The following SCHIP1 variants were observed in gnomAD, a reference collection of about 807,000 sequenced individuals.
SCHIP1 encodes the protein schwannomin-interacting protein 1.
SCHIP1 carries 8 observed loss-of-function variants against 29.7 expected under a neutral mutation model. The ratio of observed to expected loss-of-function variants is 0.27; its 90% CI spans 0.16 to 0.49. SCHIP1 has a LOEUF of 0.49. Among genes scored for constraint, SCHIP1 ranks in the 20% least tolerant of loss-of-function variants. SCHIP1 has a pLI of 0.99. For synonymous variants in SCHIP1, 76 were observed against 94.9 expected (o/e 0.80, Z 1.16); for missense variants, 193 against 294.6 (o/e 0.66, Z 2.52).
At chr3:159,527,027 C>G in the SCHIP1 span, among the ~76,000 whole-genome samples, 1 of 152,324 alleles carries the variant, frequency 6.6e-6, no homozygotes, top group Non-Finnish European at 1.5e-5. Context: ...GACATACACA[C>G]AGTCATATCT....
At chr3:159,767,381 A>G in the SCHIP1 span, among the ~76,000 whole-genome samples, 1 of 152,342 alleles carries the variant, frequency 6.6e-6, no homozygotes, top group African/African-American at 2.4e-5. Context: ...GCTGTTATAA[A>G]AGATTGAAAA....
chr3:159,795,640 G>A, the SCHIP1 span, among the ~76,000 whole-genome samples: 2 of 152,206 alleles, frequency 1.3e-5, no homozygotes, highest in Admixed American at 6.5e-5. Context: ...TAGACACAGT[G>A]GTGGTCCAAA....
At chr3:159,804,490 GTCTT>G in the SCHIP1 span, among the ~76,000 whole-genome samples, 1 of 152,204 alleles carries the variant, frequency 6.6e-6, no homozygotes, top group Non-Finnish European at 1.5e-5. Context: ...AGTATACAAT[GTCTT>G]CCTCAGTTTT....
the SCHIP1 span, among the ~76,000 whole-genome samples, chr3:159,427,889 C>T: frequency 7.2e-5 from 11 of 151,748 alleles, no homozygotes; most frequent in East Asian, 9.7e-4. Context: ...GAAATAACGC[C>T]GCATATCTAC....
At chr3:159,738,600 T>C in the SCHIP1 span, among the ~76,000 whole-genome samples, 1 of 152,240 alleles carries the variant, frequency 6.6e-6, no homozygotes, top group Non-Finnish European at 1.5e-5. Context: ...TATAACTTAA[T>C]GGCATCTATT....
the SCHIP1 span, among the ~76,000 whole-genome samples, chr3:159,299,983 T>C: frequency 1.3e-5 from 2 of 151,730 alleles, no homozygotes; most frequent in African/African-American, 4.8e-5. Context: ...CTTGGGGAGG[T>C]AGAGGTTAGA....
chr3:159,489,601 T>C, the SCHIP1 span, among the ~76,000 whole-genome samples: 3 of 152,304 alleles, frequency 2.0e-5, 1 homozygote, highest in East Asian at 1.9e-4. Flanking sequence ...GCTGAAATAC[T>C]TGTACATAAG....
chr3:159,319,585 G>A, the SCHIP1 span, among the ~76,000 whole-genome samples: 1 of 152,182 alleles, frequency 6.6e-6, no homozygotes, highest in Admixed American at 6.5e-5. Context: ...CAATGGATAT[G>A]TTAAAGTTCT....
the SCHIP1 span, among the ~76,000 whole-genome samples, chr3:159,499,507 A>C: frequency 6.6e-6 from 1 of 152,244 alleles, no homozygotes; most frequent in South Asian, 2.1e-4. Flanking sequence ...GGTATTGCCA[A>C]GTCGACTGAG....
the SCHIP1 span, among the ~76,000 whole-genome samples, chr3:159,483,895 A>C: frequency 6.6e-6 from 1 of 152,194 alleles, no homozygotes; most frequent in South Asian, 2.1e-4. Context: ...TGATGATGTG[A>C]TAAGTGGAAG....
the SCHIP1 span, among the ~76,000 whole-genome samples, chr3:159,760,460 GC>G: frequency 6.6e-6 from 1 of 152,320 alleles, no homozygotes; most frequent in East Asian, 1.9e-4. Context: ...TCAAATCCTG[GC>G]TCTGCCATCT....
intron 2 of SCHIP1, among the ~76,000 whole-genome samples, chr3:159,877,548 A>G (rs546366679): frequency 6.6e-6 from 1 of 152,326 alleles, no homozygotes; most frequent in South Asian, 2.1e-4. Context: ...ATGTTTCTAA[A>G]CATGAACATA....
chr3:159,695,657 C>T, the SCHIP1 span, among the ~76,000 whole-genome samples: 1 of 152,146 alleles, frequency 6.6e-6, no homozygotes, highest in African/African-American at 2.4e-5. Flanking sequence ...ACCTTGGCTA[C>T]ATACTGGTTA....
At chr3:159,336,171 G>A in the SCHIP1 span, among the ~76,000 whole-genome samples, 43 of 152,206 alleles carry the variant, frequency 2.8e-4, no homozygotes, top group East Asian at 2.7e-3. Flanking sequence ...CATATCCTTC[G>A]CTCACTTTTT....
the SCHIP1 span, among the ~76,000 whole-genome samples, chr3:159,742,021 G>A: frequency 1.3e-5 from 2 of 152,206 alleles, no homozygotes; most frequent in African/African-American, 4.8e-5. Flanking sequence ...CTTGAGATCA[G>A]GAGTTCAAGA....
the SCHIP1 span, among the ~76,000 whole-genome samples, chr3:159,679,018 C>T: frequency 1.5e-4 from 23 of 152,338 alleles, no homozygotes; most frequent in East Asian, 4.0e-3. Flanking sequence ...AGCCAAACCA[C>T]ATCACTTACT....
At chr3:159,556,325 G>C in the SCHIP1 span, among the ~76,000 whole-genome samples, 1 of 152,128 alleles carries the variant, frequency 6.6e-6, no homozygotes, top group African/African-American at 2.4e-5. Context: ...TAGTGGGACT[G>C]TAAACTAGTT....
At chr3:159,733,322 T>C in the SCHIP1 span, among the ~76,000 whole-genome samples, 1 of 152,224 alleles carries the variant, frequency 6.6e-6, no homozygotes, top group Non-Finnish European at 1.5e-5. Flanking sequence ...GAAATGTGTT[T>C]CTCTCTAAGA....
At chr3:159,462,923 A>G in the SCHIP1 span, among the ~76,000 whole-genome samples, 1 of 152,314 alleles carries the variant, frequency 6.6e-6, no homozygotes, top group South Asian at 2.1e-4. Flanking sequence ...TTTACCAGAA[A>G]GCAACTAATT....
Sources: gnomAD v4.1 joint callset for allele counts (sites outside exome capture counted in the v4.1 genomes callset) on GRCh38, gnomAD v4.1.1 for gene constraint, MANE v1.5 for transcripts, NCBI Gene and HGNC (gene_info 2026-07-23, HGNC 2026-07-21) for gene names.